The following MON1A variants were observed in gnomAD, a reference collection of about 807,000 sequenced individuals.
The protein encoded by MON1A is MON1 vesicular trafficking associated A.
MON1A carries 29 observed loss-of-function variants against 44.6 expected under a neutral mutation model. The observed-to-expected ratio is 0.65, with a 90% CI of 0.48 to 0.89. MON1A has a LOEUF of 0.89. Among genes scored for constraint, MON1A ranks in the 40% least tolerant of loss-of-function variants. The probability of loss-of-function intolerance (pLI) is 0.00; values close to 1 mark genes in which losing one functional copy is unlikely to be tolerated. For synonymous variants in MON1A, 275 were observed against 316.4 expected (o/e 0.87, Z 1.39); for missense variants, 615 against 759.6 (o/e 0.81, Z 2.24).
intron 2 of MON1A, among the ~76,000 whole-genome samples, 177 bp from the exon 3 acceptor site, chr3:49,912,188 T>A (rs138125071): frequency 1.3e-5 from 2 of 152,006 alleles, no homozygotes; most frequent in East Asian, 3.9e-4. Context: ...AGCCCACCAG[T>A]CTCCTCTCAT....
chr3:49,912,073 G>A, intron 2 of MON1A, 62 bp from the exon 3 acceptor site: 1 of 1,517,616 alleles, frequency 6.6e-7, no homozygotes, highest in East Asian at 2.3e-5. Context: ...CTACCAGCAA[G>A]GTGCCTAACG....
intron 1 of MON1A, among the ~76,000 whole-genome samples, chr3:49,920,170 C>G (rs540053318): frequency 1.3e-5 from 2 of 152,338 alleles, no homozygotes; most frequent in African/African-American, 4.8e-5. Flanking sequence ...CACCAACGAC[C>G]TCCAGGATCA....
At chr3:49,918,824 C>G (rs1278961930) in intron 1 of MON1A, among the ~76,000 whole-genome samples, 1 of 152,174 alleles carries the variant, frequency 6.6e-6, no homozygotes, top group Non-Finnish European at 1.5e-5. Flanking sequence ...CAGCAGCTGT[C>G]CCTCCTCATC....
intron 1 of MON1A, among the ~76,000 whole-genome samples, chr3:49,918,561 A>C (rs2082968512): frequency 6.6e-6 from 1 of 151,724 alleles, no homozygotes; most frequent in East Asian, 2.0e-4. Flanking sequence ...ACAAGCACCC[A>C]CCACTTCGCC....
intron 1 of MON1A, chr3:49,929,313 C>T (rs1026507141): frequency 4.1e-6 from 2 of 487,682 alleles, no homozygotes; most frequent in East Asian, 4.0e-5. Context: ...CTCTACCGGC[C>T]GAATATGTGT....
At position 49,923,579 on chromosome 3, in the gene MON1A, G is replaced by A. The variant is rs111377328; in HGVS notation, c.-14+6030C>T. Among the ~76,000 whole-genome samples, 125 of 148,406 alleles carry A rather than the reference G, an allele frequency of 8.4e-4. 2 individuals are homozygous for A. Among genetic ancestry groups the A allele is most frequent in the African/African-American group, 2.9e-3 (116 of 40,272 alleles). On this transcript the variant is annotated intron_variant, in intron 1 of 5. Transcript: ENST00000296473. ...AGCGATTCTCATGCCTCAGCCTCCC[G>A]AGTAGCTGGGACTACAGGCGTGTGC...
rs770907124 is a variant in MON1A at position 49,929,638 on chromosome 3, G to A, written c.-43C>T. 5 of 1,551,546 alleles carry A rather than the reference G, an allele frequency of 3.2e-6. No individual in the cohort carries two copies. In the Admixed American group the frequency reaches 5.9e-5, roughly 18 times the overall value. On this transcript the variant is annotated 5_prime_UTR_variant, in exon 1 of 6. Transcript: ENST00000296473. Reference sequence around the variant, plus strand: ...TTCTCAGAGGAGTCCAGGACGCACAGAAGGTGCCGGTCACTGCCCTCTGCC... The same window carrying A: ...TTCTCAGAGGAGTCCAGGACGCACAAAAGGTGCCGGTCACTGCCCTCTGCC...
Position 49,910,589 on chromosome 3 carries a change from G to A in MON1A, c.909C>T (p.Arg303=), listed in dbSNP as rs369019359. The A allele has an allele frequency of 5.3e-5, 85 of 1,603,420 alleles. No individual in the cohort carries two copies. The highest frequency in any genetic ancestry group is 2.2e-4 in the Admixed American group (13 of 58,344). The change falls in exon 4 of 6, where the codon CGC becomes CGT. Residue 303 remains arginine, a synonymous_variant. Coordinates refer to ENST00000296473, the MANE Select transcript of MON1A (RefSeq NM_032355.4). The surrounding 1 kb of genome is among the most constrained non-coding windows in gnomAD (Gnocchi z 8.0). ...ARCLPLAAAV[R]DTVSASLQQA... is the part of the protein sequence containing the mutation. ...GCTGCAGGCTGGCGCTCACAGTGTC[G>A]CGCACGGCCGCCGCCAGGGGCAGGC...
rs748917759 is a variant in MON1A at position 49,910,617 on chromosome 3, C to T, written c.881G>A (p.Arg294Gln). The change falls in exon 4 of 6, where the codon CGG becomes CAG. Residue 294 changes from arginine to glutamine, a missense_variant. Coordinates refer to ENST00000296473, the MANE Select transcript of MON1A (RefSeq NM_032355.4). This position sits in a 1 kb window ranked among gnomAD's most constrained non-coding sequence, Gnocchi z 8.0. ...RDPSFLMGAA[R>Q]CLPLAAAVRD... ...CACGGCCGCCGCCAGGGGCAGGCAC[C>T]GTGCCGCCCCCATCAGGAAGCTGGG... 82 of 1,601,424 alleles carry T rather than the reference C, an allele frequency of 5.1e-5. No homozygotes were observed. The highest frequency in any genetic ancestry group is 6.7e-5 in the African/African-American group (5 of 74,604).
chr3:49,923,557 G>A (rs1290643334), intron 1 of MON1A, among the ~76,000 whole-genome samples: 7 of 148,910 alleles, frequency 4.7e-5, no homozygotes, highest in African/African-American at 1.5e-4. Context: ...AGGTTCAAGC[G>A]ATTCTCATGC....
intron 1 of MON1A, among the ~76,000 whole-genome samples, chr3:49,919,922 C>T (rs1289882320): frequency 1.3e-5 from 2 of 152,220 alleles, no homozygotes; most frequent in African/African-American, 4.8e-5. Context: ...CCTTCCACAT[C>T]ACCTGGCAAG....
rs2082854814 is a variant in MON1A at position 49,910,023 on chromosome 3, G to A, written c.1379+96C>T. 7.2e-7 allele frequency: 1 copy of A among 1,380,850 alleles called. No homozygotes were observed. Among genetic ancestry groups the A allele is most frequent in the Non-Finnish European group, 9.9e-7 (1 of 1,013,742 alleles). The allele number at this position is 1,380,850 out of a possible 1,614,324, so 85.5% of individuals were successfully genotyped here. A position where few individuals can be genotyped will look rare whatever the true frequency, so the allele number is the denominator to read the frequency against. ...TGGTCTGCTTCCAAAGGTAGGGACA[G>A]CTTCAGGGCTACATCTCAGAGCTCA... On this transcript the variant is annotated intron_variant, in intron 4 of 5. Coordinates refer to ENST00000296473, the MANE Select transcript of MON1A (RefSeq NM_032355.4). This position sits in a 1 kb window ranked among gnomAD's most constrained non-coding sequence, Gnocchi z 8.0.
chr3:49,914,215 C>T (rs548716151), intron 1 of MON1A, among the ~76,000 whole-genome samples: 12 of 151,680 alleles, frequency 7.9e-5, no homozygotes, highest in East Asian at 3.9e-4. Context: ...CTCAGCCTCC[C>T]GGGGTAGCTG....
chr3:49,917,736 A>G (rs1216357724), intron 1 of MON1A, among the ~76,000 whole-genome samples: 2 of 152,022 alleles, frequency 1.3e-5, no homozygotes, highest in African/African-American at 2.4e-5. Context: ...TTCACCGAGA[A>G]GACAGAAGTC....
In MON1A at chr3:49,912,386, T is replaced by C. The variant is rs191534350; in HGVS notation, c.128-375A>G. On this transcript the variant is annotated intron_variant, in intron 2 of 5. Coordinates refer to ENST00000296473, the MANE Select transcript of MON1A (RefSeq NM_032355.4). The stretch of plus-strand genomic sequence containing the variant: ...AGCTCCACACCTGCTGTCAGCTGTC[T>C]CCTACCTCCCCAAGAGGCCGGCTAA... 1.0e-2 allele frequency: 1,951 copies of C among 195,282 alleles called. 16 individuals are homozygous for C. The highest frequency in any genetic ancestry group is 0.015 in the Non-Finnish European group (1,428 of 96,898). The allele number at this position is 195,282 out of a possible 1,614,324, so 12.1% of individuals were successfully genotyped here. A position where few individuals can be genotyped will look rare whatever the true frequency, so the allele number is the denominator to read the frequency against.
rs1408088614 is a variant in MON1A at position 49,911,607 on chromosome 3, G to A, written c.532C>T (p.Leu178Phe). The stretch of plus-strand genomic sequence containing the variant: ...ACCATAACACCCATAGTGCTGGAAA[G>A]TGCCTCCTCAGACCCATAGCGGGAG... Reference protein sequence around the residue: ...VYSRYGSEEALSSTMGVMVAL... With the variant: ...VYSRYGSEEAFSSTMGVMVAL... The change falls in exon 3 of 6, where the codon CTT (leucine) becomes TTT (phenylalanine). Residue 178 changes from leucine to phenylalanine, a missense_variant. Leu to Phe is a conservative substitution (Grantham distance 22). Coordinates refer to ENST00000296473, the MANE Select transcript of MON1A (RefSeq NM_032355.4). This position sits in a 1 kb window ranked among gnomAD's most constrained non-coding sequence, Gnocchi z 5.7. The A allele has an allele frequency of 2.5e-6, 4 of 1,614,044 alleles. No homozygotes were observed. The highest frequency in any genetic ancestry group is 3.3e-5 in the Admixed American group (2 of 60,004).
In MON1A at chr3:49,910,618, G is replaced by A. The variant is rs1205151663; in HGVS notation, c.880C>T (p.Arg294Trp). Reference sequence around the variant, plus strand: ...ACGGCCGCCGCCAGGGGCAGGCACCGTGCCGCCCCCATCAGGAAGCTGGGG... The same window carrying A: ...ACGGCCGCCGCCAGGGGCAGGCACCATGCCGCCCCCATCAGGAAGCTGGGG... Reference protein sequence around the residue: ...RDPSFLMGAARCLPLAAAVRD... With the variant: ...RDPSFLMGAAWCLPLAAAVRD... The change falls in exon 4 of 6, where the codon CGG becomes TGG. Residue 294 changes from arginine (R) to tryptophan (W), a missense_variant. Coordinates refer to ENST00000296473, the MANE Select transcript of MON1A (RefSeq NM_032355.4). The surrounding 1 kb of genome is among the most constrained non-coding windows in gnomAD (Gnocchi z 8.0). 3.1e-6 allele frequency: 5 copies of A among 1,602,696 alleles called. No homozygotes were observed. The highest frequency in any genetic ancestry group is 4.3e-6 in the Non-Finnish European group (5 of 1,173,818).
chr3:49,910,914 A>G lies in MON1A; in HGVS notation c.614-30T>C. 6.4e-7 allele frequency: 1 copy of G among 1,557,864 alleles called. No homozygotes were observed. On this transcript the variant is annotated intron_variant, in intron 3 of 5. Transcript: ENST00000296473. The surrounding 1 kb of genome is among the most constrained non-coding windows in gnomAD (Gnocchi z 8.0). ...GAGCGGGACAGGAAAGAAGGATGTC[A>G]GCCTCAGCGGCAGCTCCCTCCGAAA...
At chr3:49,920,423 C>T (rs1299830810) in intron 1 of MON1A, among the ~76,000 whole-genome samples, 1 of 152,168 alleles carries the variant, frequency 6.6e-6, no homozygotes. Context: ...ATTCCCTCTA[C>T]ATATTAATAC....
Sources: allele counts gnomAD v4.1 joint callset (sites outside exome capture counted in the v4.1 genomes callset), GRCh38; gene constraint gnomAD v4.1.1; non-coding constraint Gnocchi (gnomAD v3.1); transcripts MANE v1.5; gene names NCBI Gene and HGNC (gene_info 2026-07-23, HGNC 2026-07-21).